The following ITPR1 variants were observed in gnomAD, a reference collection of about 807,000 sequenced individuals.
ITPR1 encodes inositol 1,4,5-trisphosphate-gated calcium channel ITPR1.
In ITPR1, 96 loss-of-function variants were observed where a neutral mutation model predicts 318.4. That is an observed-to-expected ratio of 0.30 (90% CI 0.26 to 0.36). The LOEUF (loss-of-function observed/expected upper bound fraction) is 0.36. Among genes scored for constraint, ITPR1 ranks in the 10% least tolerant of loss-of-function variants. ITPR1 has a pLI of 1.00. For synonymous variants in ITPR1, 1,312 were observed against 1,289.9 expected, an observed-to-expected ratio of 1.02 and a Z score of -0.37; for missense variants, 2,440 against 3,460.2, an observed-to-expected ratio of 0.71 and a Z score of 7.40.
intron 4 of ITPR1, among the ~76,000 whole-genome samples, chr3:4,624,208 T>G (rs17041046): frequency 0.097 from 14,801 of 152,230 alleles, 2,374 homozygotes; most frequent in African/African-American, 0.34. Flanking sequence ...CATTTTACTC[T>G]CTATAGCTTA....
Position 4,500,697 on chromosome 3 carries a change from A to G in ITPR1, c.-17+6191A>G, listed in dbSNP as rs544712112. On this transcript the variant is annotated intron_variant, in intron 2 of 61. Coordinates refer to ENST00000649015, the MANE Select transcript of ITPR1 (RefSeq NM_001378452.1). Reference sequence around the variant, plus strand: ...GAATATAATCTAAACTTTTTTTAAAAATTGGTTTTGGGTTTAGCCTTAGTG... The same window carrying G: ...GAATATAATCTAAACTTTTTTTAAAGATTGGTTTTGGGTTTAGCCTTAGTG... Among the ~76,000 whole-genome samples, 36 of 152,206 alleles carry G rather than the reference A, an allele frequency of 2.4e-4. No homozygotes were observed. The East Asian group carries it at 6.4e-3, about 27-fold the overall frequency.
chr3:4,507,138 G>A (rs1212818235), intron 2 of ITPR1, among the ~76,000 whole-genome samples: 4 of 149,726 alleles, frequency 2.7e-5, no homozygotes, highest in Non-Finnish European at 5.9e-5. Flanking sequence ...TTGAGGTCTG[G>A]TTTCACAGAA....
intron 4 of ITPR1, among the ~76,000 whole-genome samples, chr3:4,557,806 C>G (rs1239239035): frequency 6.6e-6 from 1 of 151,888 alleles, no homozygotes; most frequent in Non-Finnish European, 1.5e-5. Context: ...CCCAATTATT[C>G]TAAATGTAAA....
At chr3:4,621,940 C>G (rs62231566) in intron 4 of ITPR1, among the ~76,000 whole-genome samples, 2 of 152,046 alleles carry the variant, frequency 1.3e-5, no homozygotes, top group East Asian at 1.9e-4. Flanking sequence ...CCACCTCAGC[C>G]CTAGTGCATC....
rs560039532 is a variant in ITPR1 at position 4,842,338 on chromosome 3, A to C, written c.8191-3801A>C. On this transcript the variant is annotated intron_variant, in intron 61 of 61. Transcript: ENST00000649015. ...ACTACAACTGTTTATCCTTAGCTAC[A>C]TGGGAATTTTGAGGTTTGGTTTGGG... is the stretch of plus-strand genomic sequence containing the variant. Among the ~76,000 whole-genome samples, 12 of 152,304 alleles carry C rather than the reference A, an allele frequency of 7.9e-5. No individual in the cohort carries two copies. In the South Asian group the frequency reaches 1.4e-3, roughly 18 times the overall value.
intron 4 of ITPR1, among the ~76,000 whole-genome samples, chr3:4,540,084 A>G (rs1001711614): frequency 1.3e-5 from 2 of 151,558 alleles, no homozygotes; most frequent in Non-Finnish European, 2.9e-5. Flanking sequence ...TAGGTGTGCA[A>G]TTTTGCCTTG....
intron 22 of ITPR1, 49 bp downstream of exon 22, chr3:4,674,392 C>G: frequency 6.7e-7 from 1 of 1,490,608 alleles, no homozygotes; most frequent in Non-Finnish European, 9.0e-7. Context: ...TCTCAGTGGT[C>G]ATTTTTCTAT....
In ITPR1 at chr3:4,840,029, CTTTTTTTTTTTTT is replaced by C. The variant is rs56096727; in HGVS notation, c.8190+3111_8190+3123del. ...TTACAGGAAAAATTCAGCATAGCTG[CTTTTTTTTTTTTT>C]TTTTTTTTTTTTTTTTGAGGGGGCA... On this transcript the variant is annotated intron_variant, in intron 61 of 61. Coordinates refer to ENST00000649015, the MANE Select transcript of ITPR1 (RefSeq NM_001378452.1). Among the ~76,000 whole-genome samples the C allele has an allele frequency of 3.2e-4, 34 of 104,902 alleles. 1 individual carries two copies. The highest frequency in any genetic ancestry group is 4.0e-4 in the African/African-American group (10 of 24,950). The allele number at this position is 104,902 out of a possible 152,430, so 68.8% of individuals were successfully genotyped here.
At chr3:4,623,298 G>T (rs570370633) in intron 4 of ITPR1, among the ~76,000 whole-genome samples, 9 of 152,216 alleles carry the variant, frequency 5.9e-5, no homozygotes, top group Non-Finnish European at 1.0e-4. Flanking sequence ...GCCCCTTAAC[G>T]CCTGCTTCAA....
intron 19 of ITPR1, among the ~76,000 whole-genome samples, chr3:4,670,484 G>T (rs898397906): frequency 6.6e-6 from 1 of 152,140 alleles, no homozygotes; most frequent in African/African-American, 2.4e-5. Context: ...TCTCCATTTC[G>T]GTTGTGACAA....
At chr3:4,650,736 G>A (rs1010495356) in intron 10 of ITPR1, among the ~76,000 whole-genome samples, 1 of 151,620 alleles carries the variant, frequency 6.6e-6, no homozygotes, top group African/African-American at 2.4e-5. Flanking sequence ...AAAACTTTGA[G>A]TCATTATGTT....
intron 48 of ITPR1, among the ~76,000 whole-genome samples, chr3:4,778,320 T>A (rs895314706): frequency 2.2e-4 from 33 of 152,220 alleles, no homozygotes; most frequent in African/African-American, 7.7e-4. Flanking sequence ...CAGGGCATGT[T>A]GAGATTTGTC....
chr3:4,730,371 ATGTGTGTG>A (rs369249391), intron 42 of ITPR1, among the ~76,000 whole-genome samples: 76 of 57,372 alleles, frequency 1.3e-3, no homozygotes, highest in African/African-American at 3.9e-3. Context: ...GTTGGGTGGA[ATGTGTGTG>A]TGTGTGTGTG....
chr3:4,613,557 A>G (rs1046641538), intron 4 of ITPR1, among the ~76,000 whole-genome samples: 4 of 152,098 alleles, frequency 2.6e-5, no homozygotes, highest in Admixed American at 2.6e-4. Flanking sequence ...CGCAAATACC[A>G]AGGCCATAAG....
intron 60 of ITPR1, among the ~76,000 whole-genome samples, chr3:4,823,307 T>A (rs1256571790): frequency 6.6e-6 from 1 of 152,182 alleles, no homozygotes; most frequent in African/African-American, 2.4e-5. Flanking sequence ...AAATTCTTCT[T>A]GAAAATTAGA....
rs142520216 is a variant in ITPR1 at position 4,817,369 on chromosome 3, C to A, written c.7868-713C>A. On this transcript the variant is annotated intron_variant, in intron 59 of 61. Coordinates refer to ENST00000649015, the MANE Select transcript of ITPR1 (RefSeq NM_001378452.1). ...ATCTGCATATGTGTGTATGTGTACA[C>A]AGCACATGTATCTGCACACATCTGT... is the stretch of plus-strand genomic sequence containing the variant. 1.9e-3 allele frequency: 287 copies of A among 152,280 alleles called. 2 individuals carry two copies. Among genetic ancestry groups the A allele is most frequent in the African/African-American group, 6.5e-3 (269 of 41,552 alleles). The allele number at this position is 152,280 out of a possible 1,614,324, so 9.4% of individuals were successfully genotyped here.
At chr3:4,728,226 T>C (rs1478652905) in intron 42 of ITPR1, among the ~76,000 whole-genome samples, 1 of 152,206 alleles carries the variant, frequency 6.6e-6, no homozygotes. Context: ...TTCTAGAAGA[T>C]TGTGTATATC....
intron 32 of ITPR1, among the ~76,000 whole-genome samples, chr3:4,692,785 G>A (rs577296169): frequency 6.6e-6 from 1 of 152,226 alleles, no homozygotes; most frequent in African/African-American, 2.4e-5. Context: ...AGATAAGATG[G>A]TAGATGAAAG....
At chr3:4,575,405 A>G (rs1009003590) in intron 4 of ITPR1, among the ~76,000 whole-genome samples, 1 of 152,198 alleles carries the variant, frequency 6.6e-6, no homozygotes, top group African/African-American at 2.4e-5. Context: ...GCATGCTTGG[A>G]AGTTAAAATA....
Sources: allele counts gnomAD v4.1 joint callset (sites outside exome capture counted in the v4.1 genomes callset), GRCh38; gene constraint gnomAD v4.1.1; transcripts MANE v1.5; gene names NCBI Gene and HGNC (gene_info 2026-07-23, HGNC 2026-07-21).